Variants in SLAIN1 observed in about 807,000 individuals in gnomAD.
The protein encoded by SLAIN1 is SLAIN family member 1.
In SLAIN1, 17 loss-of-function variants were observed where a neutral mutation model predicts 55.4. The ratio of observed to expected loss-of-function variants is 0.31; its 90% CI spans 0.21 to 0.46. The LOEUF is 0.46. SLAIN1 is among the 20% of genes least tolerant of loss of function. The pLI, the probability that SLAIN1 is intolerant of heterozygous loss-of-function variation, is 1.00. For missense variants in SLAIN1, 682 were observed against 785.1 expected, an observed-to-expected ratio of 0.87 and a Z score of 1.57; for synonymous variants, 348 against 337.4, an observed-to-expected ratio of 1.03 and a Z score of -0.35.
intron 1 of SLAIN1, among the ~76,000 whole-genome samples, chr13:77,711,879 G>A (rs908507807): frequency 2.0e-5 from 3 of 152,120 alleles, no homozygotes; most frequent in Non-Finnish European, 2.9e-5. Context: ...TATCCACCAC[G>A]GTCAAGTCGG....
chr13:77,728,770 A>T (rs2091330592), intron 2 of SLAIN1, among the ~76,000 whole-genome samples: 1 of 152,176 alleles, frequency 6.6e-6, no homozygotes, highest in Non-Finnish European at 1.5e-5. Context: ...TAAGCTTATC[A>T]AATGTCTGTC....
intron 5 of SLAIN1, among the ~76,000 whole-genome samples, chr13:77,760,167 TA>T (rs1162037487): frequency 1.2e-4 from 19 of 152,164 alleles, no homozygotes; most frequent in Non-Finnish European, 1.5e-4. Flanking sequence ...AGAAAGGGAT[TA>T]AAAAATTTAA....
chr13:77,716,624 A>T (rs1043690054), intron 1 of SLAIN1, among the ~76,000 whole-genome samples: 6 of 152,230 alleles, frequency 3.9e-5, no homozygotes, highest in Non-Finnish European at 8.8e-5. Context: ...ATGGTTTTTT[A>T]AAAAATGCTA....
chr13:77,732,338 T>C (rs1872913607), intron 2 of SLAIN1, among the ~76,000 whole-genome samples: 1 of 152,150 alleles, frequency 6.6e-6, no homozygotes, highest in Non-Finnish European at 1.5e-5. Context: ...CCCTCTGTTT[T>C]CAGCATGAGA....
chr13:77,699,084 A>G lies in SLAIN1; in HGVS notation c.626+545A>G. The G allele has an allele frequency of 3.9e-6, 6 of 1,522,624 alleles. No individual in the cohort carries two copies. The South Asian group carries it at 4.8e-5, about 12-fold the overall frequency. 94.3% of individuals were successfully genotyped at this position (1,522,624 alleles called of 1,614,324 possible). ...TTCGTTCTTGCTGTTTGAATTTTGC[A>G]GTCGTGTGCCCTTTTGCGTTGCATT... On this transcript the variant is annotated intron_variant, in intron 1 of 6. Transcript: ENST00000418532.
chr13:77,760,794 AG>A, intron 5 of SLAIN1, 33 bp from the exon 6 acceptor site: 4 of 1,605,642 alleles, frequency 2.5e-6, no homozygotes, highest in Non-Finnish European at 3.4e-6. Context: ...TAGTGGTAGA[AG>A]GTTGCTCACA....
chr13:77,763,368 C>A lies in SLAIN1; in HGVS notation c.*148C>A. On this transcript the variant is annotated 3_prime_UTR_variant, in exon 7 of 7. Coordinates refer to ENST00000418532, the MANE Select transcript of SLAIN1 (RefSeq NM_001242868.2). ...GCATTGTTTCTCAATGGACCAGTCA[C>A]CAGAGACTAATTATTGCACTTAAAT... 1.6e-6 allele frequency: 1 copy of A among 620,186 alleles called. No homozygotes were observed. Among genetic ancestry groups the A allele is most frequent in the East Asian group, 2.8e-5 (1 of 36,294 alleles). 38.4% of individuals were successfully genotyped at this position (620,186 alleles called of 1,614,324 possible). A position where few individuals can be genotyped will look rare whatever the true frequency, so the allele number is the denominator to read the frequency against.
In SLAIN1 at chr13:77,697,796, CGCGTGGTCG is replaced by C; in HGVS notation, c.-115_-107del. ...GAACCGCCGGCTCGGCCTCAGCCCG[CGCGTGGTCG>C]GCCCCCCAGGCCGGGGCGACAGGGA... On this transcript the variant is annotated 5_prime_UTR_variant, in exon 1 of 7. Transcript: ENST00000418532. 9.2e-7 allele frequency: 1 copy of C among 1,086,144 alleles called. No individual in the cohort carries two copies. Among genetic ancestry groups the C allele is most frequent in the Non-Finnish European group, 1.1e-6 (1 of 875,144 alleles). 67.3% of individuals were successfully genotyped at this position (1,086,144 alleles called of 1,614,324 possible).
At chr13:77,712,073 A>T (rs2091157030) in intron 1 of SLAIN1, among the ~76,000 whole-genome samples, 1 of 152,240 alleles carries the variant, frequency 6.6e-6, no homozygotes, top group South Asian at 2.1e-4. Flanking sequence ...GTATCTCAAA[A>T]TAATAAGAGC....
chr13:77,743,251 C>A, intron 2 of SLAIN1: 3 of 1,105,618 alleles, frequency 2.7e-6, no homozygotes, highest in South Asian at 1.5e-5. Context: ...ATTTGAAAAG[C>A]TTGAGAATAA....
At chr13:77,756,646 A>G (rs1014518638) in intron 5 of SLAIN1, among the ~76,000 whole-genome samples, 1 of 152,176 alleles carries the variant, frequency 6.6e-6, no homozygotes, top group Non-Finnish European at 1.5e-5. Flanking sequence ...AAGGAGGTTC[A>G]TAAAACCCCA....
chr13:77,699,037 T>C, intron 1 of SLAIN1: 2 of 1,535,570 alleles, frequency 1.3e-6, no homozygotes, highest in East Asian at 4.9e-5. Context: ...CGCGCAGTGA[T>C]GGATCTCTCT....
chr13:77,732,377 G>A (rs1452249187), intron 2 of SLAIN1, among the ~76,000 whole-genome samples: 1 of 152,092 alleles, frequency 6.6e-6, no homozygotes, highest in Admixed American at 6.6e-5. Context: ...CATGTAATTA[G>A]ATTCTGTAAC....
At position 77,763,213 on chromosome 13, in the gene SLAIN1, G is replaced by C; in HGVS notation, c.1766G>C (p.Cys589Ser). 1 of 1,613,554 alleles carries C rather than the reference G, an allele frequency of 6.2e-7. No homozygotes were observed. The highest frequency in any genetic ancestry group is 8.5e-7 in the Non-Finnish European group (1 of 1,179,518). Residue 589 changes from cysteine to serine, a missense_variant, in exon 7 of 7, where the codon TGC becomes TCC. Coordinates refer to ENST00000418532, the MANE Select transcript of SLAIN1 (RefSeq NM_001242868.2). ...TLRDGNWRDG[C>S]Y is the part of the protein sequence containing the mutation. ...AGGGATGGAAATTGGAGAGATGGTT[G>C]CTACTAATGCAGTTTTATGTACCCT...
chr13:77,717,035 C>T (rs994373869), intron 1 of SLAIN1, among the ~76,000 whole-genome samples: 2 of 151,922 alleles, frequency 1.3e-5, no homozygotes, highest in African/African-American at 2.4e-5. Context: ...TTTCTGTTTC[C>T]GATTTGATGA....
chr13:77,714,514 G>A (rs1160912658), intron 1 of SLAIN1, among the ~76,000 whole-genome samples: 4 of 152,156 alleles, frequency 2.6e-5, no homozygotes, highest in African/African-American at 7.2e-5. Context: ...TCAGGAGGCT[G>A]AGGTGGGAGG....
intron 2 of SLAIN1, chr13:77,742,886 C>A (rs1873542651): frequency 3.2e-6 from 1 of 316,360 alleles, no homozygotes; most frequent in East Asian, 1.3e-4. Flanking sequence ...AAGTGGAAGT[C>A]AGTTAAGATA....
At chr13:77,701,414 G>A (rs1198906044) in intron 1 of SLAIN1, among the ~76,000 whole-genome samples, 1 of 152,050 alleles carries the variant, frequency 6.6e-6, no homozygotes, top group African/African-American at 2.4e-5. Context: ...GGAAAATCAT[G>A]ACTAACAGAA....
intron 1 of SLAIN1, among the ~76,000 whole-genome samples, chr13:77,708,054 C>G (rs542254708): frequency 4.5e-4 from 69 of 152,200 alleles, no homozygotes; most frequent in African/African-American, 1.6e-3. Flanking sequence ...AGATATAGTA[C>G]CAGACAATAG....
Sources: allele counts gnomAD v4.1 joint callset (sites outside exome capture counted in the v4.1 genomes callset), GRCh38; gene constraint gnomAD v4.1.1; transcripts MANE v1.5; gene names NCBI Gene and HGNC (gene_info 2026-07-23, HGNC 2026-07-21).